The following TMEM108 variants were observed in gnomAD, a reference collection of about 807,000 sequenced individuals.
TMEM108 encodes the protein cancer/testis antigen 124.
TMEM108 carries 12 observed loss-of-function variants against 35.1 expected under a neutral mutation model. That is an observed-to-expected ratio of 0.34 (90% CI 0.22 to 0.55). The LOEUF is 0.55. TMEM108 is among the 20% of genes least tolerant of loss of function. The probability of loss-of-function intolerance (pLI) is 0.89; values close to 1 mark genes in which losing one functional copy is unlikely to be tolerated. For missense variants in TMEM108, 680 were observed against 753.3 expected (o/e 0.90, Z 1.14); for synonymous variants, 287 against 308.6 (o/e 0.93, Z 0.73).
intron 3 of TMEM108, among the ~76,000 whole-genome samples, chr3:133,366,903 A>T (rs1022940077): frequency 6.6e-6 from 1 of 152,228 alleles, no homozygotes; most frequent in Non-Finnish European, 1.5e-5. Flanking sequence ...GCAGCCAGCA[A>T]ATGAGACATC....
At chr3:133,319,684 A>G (rs1008970020) in intron 3 of TMEM108, among the ~76,000 whole-genome samples, 1 of 152,198 alleles carries the variant, frequency 6.6e-6, no homozygotes, top group Non-Finnish European at 1.5e-5. Flanking sequence ...GGAGACCTGA[A>G]GATGGATTGC....
At chr3:133,300,989 C>CGT (rs1268507218) in intron 3 of TMEM108, among the ~76,000 whole-genome samples, 256 of 12,692 alleles carry the variant, frequency 0.02, 5 homozygotes, top group African/African-American at 0.028. Context: ...CACACACACA[C>CGT]ACACACACAC....
At chr3:133,254,531 G>A (rs765576327) in intron 3 of TMEM108, among the ~76,000 whole-genome samples, 16 of 152,068 alleles carry the variant, frequency 1.1e-4, no homozygotes, top group Admixed American at 2.0e-4. Flanking sequence ...GCATATTAAC[G>A]TCAGTCGAAT....
At chr3:133,280,238 A>G (rs995132171) in intron 3 of TMEM108, among the ~76,000 whole-genome samples, 5 of 152,178 alleles carry the variant, frequency 3.3e-5, no homozygotes, top group Non-Finnish European at 5.9e-5. Context: ...ACATGTAGGA[A>G]AAATTACACG....
chr3:133,211,512 C>T (rs1185660198), intron 2 of TMEM108, among the ~76,000 whole-genome samples: 1 of 152,134 alleles, frequency 6.6e-6, no homozygotes, highest in Non-Finnish European at 1.5e-5. Flanking sequence ...ATTCCCTGAC[C>T]TCAATATTCA....
At chr3:133,339,545 CCAGA>C (rs2071601053) in intron 3 of TMEM108, among the ~76,000 whole-genome samples, 1 of 151,876 alleles carries the variant, frequency 6.6e-6, no homozygotes, top group Non-Finnish European at 1.5e-5. Context: ...GACAAATCTT[CCAGA>C]CAGAAAATCA....
At chr3:133,157,242 T>C (rs1251085048) in intron 2 of TMEM108, among the ~76,000 whole-genome samples, 1 of 152,224 alleles carries the variant, frequency 6.6e-6, no homozygotes, top group Admixed American at 6.5e-5. Context: ...TTTCTCTTCT[T>C]TTCTGTTAAG....
At chr3:133,247,370 G>A (rs557144886) in intron 3 of TMEM108, 1 of 152,194 alleles carries the variant, frequency 6.6e-6, no homozygotes, top group African/African-American at 2.4e-5. Context: ...GTCTTTTTAA[G>A]CTACCTGCCC....
At chr3:133,310,672 G>A (rs541594412) in intron 3 of TMEM108, among the ~76,000 whole-genome samples, 2 of 150,168 alleles carry the variant, frequency 1.3e-5, no homozygotes, top group Admixed American at 6.7e-5. Flanking sequence ...TCTTGACTCC[G>A]TCCAATTTGC....
intron 2 of TMEM108, among the ~76,000 whole-genome samples, chr3:133,085,342 A>G (rs1054893683): frequency 3.9e-5 from 6 of 152,164 alleles, no homozygotes; most frequent in Non-Finnish European, 7.3e-5. Context: ...TTTCTCTGCC[A>G]CCAAAGGCCT....
intron 3 of TMEM108, among the ~76,000 whole-genome samples, chr3:133,353,131 C>T (rs1162756002): frequency 1.3e-5 from 2 of 152,292 alleles, no homozygotes; most frequent in East Asian, 1.9e-4. Flanking sequence ...TGAAATGTCT[C>T]GTGAAACAAA....
At chr3:133,137,722 T>C (rs1559844263) in intron 2 of TMEM108, among the ~76,000 whole-genome samples, 1 of 152,162 alleles carries the variant, frequency 6.6e-6, no homozygotes, top group African/African-American at 2.4e-5. Context: ...TTGTTTTTCC[T>C]AGTGGTTTAA....
chr3:133,145,994 A>G (rs889425371), intron 2 of TMEM108, among the ~76,000 whole-genome samples: 1 of 152,212 alleles, frequency 6.6e-6, no homozygotes, highest in African/African-American at 2.4e-5. Context: ...CAGAACTTCC[A>G]ATACTATGTT....
intron 2 of TMEM108, chr3:133,121,071 T>A (rs1243558327): frequency 6.6e-6 from 1 of 152,062 alleles, no homozygotes; most frequent in Non-Finnish European, 1.5e-5. Flanking sequence ...TGAAGGTGAG[T>A]CTCTGCTTTC....
At chr3:133,245,282 A>G (rs1033543080) in intron 3 of TMEM108, among the ~76,000 whole-genome samples, 12 of 152,162 alleles carry the variant, frequency 7.9e-5, no homozygotes, top group Admixed American at 6.5e-4. Context: ...TGCAGTGTGC[A>G]TGCTAGGATG....
At chr3:133,116,564 G>A (rs1944290110) in intron 2 of TMEM108, among the ~76,000 whole-genome samples, 1 of 152,048 alleles carries the variant, frequency 6.6e-6, no homozygotes. Context: ...TATGAAGATG[G>A]ACTAAGTTAT....
At chr3:133,048,200 G>A (rs1943362363) in intron 2 of TMEM108, among the ~76,000 whole-genome samples, 1 of 152,192 alleles carries the variant, frequency 6.6e-6, no homozygotes, top group Non-Finnish European at 1.5e-5. Context: ...AGTGACTCAT[G>A]TATAATTAGA....
At chr3:133,161,469 A>AATAGT (rs1944960932) in intron 2 of TMEM108, among the ~76,000 whole-genome samples, 1 of 152,186 alleles carries the variant, frequency 6.6e-6, no homozygotes, top group Non-Finnish European at 1.5e-5. Context: ...CAATGCCTAG[A>AATAGT]ATAGTGCCTG....
intron 3 of TMEM108, among the ~76,000 whole-genome samples, chr3:133,268,096 A>G (rs374918879): frequency 2.0e-5 from 3 of 152,342 alleles, no homozygotes. Flanking sequence ...AAGGAGCCCA[A>G]AGACCATCAA....
Sources: gnomAD v4.1 joint callset for allele counts (sites outside exome capture counted in the v4.1 genomes callset) on GRCh38, gnomAD v4.1.1 for gene constraint, MANE v1.5 for transcripts, NCBI Gene and HGNC (gene_info 2026-07-23, HGNC 2026-07-21) for gene names.